KLHL32: variants seen among roughly 807,000 people sequenced by gnomAD.
KLHL32 encodes the protein kelch-like protein 32.
Under a neutral mutation model 64.8 loss-of-function variants are expected in KLHL32, and 35 were observed. The ratio of observed to expected loss-of-function variants is 0.54; its 90% CI spans 0.41 to 0.72. The LOEUF (loss-of-function observed/expected upper bound fraction) is 0.72, where lower values mean the gene tolerates loss of function less well. KLHL32 is among the 30% of genes least tolerant of loss of function. The pLI, the probability that KLHL32 is intolerant of heterozygous loss-of-function variation, is 0.00. For missense variants in KLHL32, 589 were observed against 768.5 expected (o/e 0.77, Z 2.76); for synonymous variants, 259 against 281.0 (o/e 0.92, Z 0.78).
chr6:97,106,683 G>A (rs771012882), intron 6 of KLHL32, among the ~76,000 whole-genome samples: 5 of 151,700 alleles, frequency 3.3e-5, no homozygotes, highest in African/African-American at 4.9e-5. Flanking sequence ...GGCAGAAGTC[G>A]TAGTGAGCTG....
chr6:96,931,418 G>T (rs777870850), intron 1 of KLHL32, among the ~76,000 whole-genome samples: 1 of 152,150 alleles, frequency 6.6e-6, no homozygotes, highest in East Asian at 1.9e-4. Flanking sequence ...TACCACATAG[G>T]AAGTTAGCCT....
chr6:96,992,427 T>C (rs1007168899), intron 3 of KLHL32, among the ~76,000 whole-genome samples: 3 of 152,242 alleles, frequency 2.0e-5, no homozygotes, highest in African/African-American at 7.2e-5. Flanking sequence ...ACTTGGATAA[T>C]CCAGTTGAAG....
intron 3 of KLHL32, among the ~76,000 whole-genome samples, chr6:96,980,235 T>C (rs1196337624): frequency 6.6e-6 from 1 of 152,154 alleles, no homozygotes; most frequent in Non-Finnish European, 1.5e-5. Context: ...ATTCTTGTCA[T>C]GTTCTAGTTC....
intron 5 of KLHL32, among the ~76,000 whole-genome samples, chr6:97,065,073 G>A (rs1789521557): frequency 6.6e-6 from 1 of 152,134 alleles, no homozygotes; most frequent in African/African-American, 2.4e-5. Flanking sequence ...GTCTGGTTAT[G>A]GAAATAATCA....
Position 96,976,068 on chromosome 6 carries a change from T to A in KLHL32, c.95T>A (p.Leu32Gln). The A allele has an allele frequency of 6.2e-7, 1 of 1,609,086 alleles. No individual in the cohort carries two copies. The highest frequency in any genetic ancestry group is 8.5e-7 in the Non-Finnish European group (1 of 1,176,674). ...ESHNDSVLAA[L>Q]NQQRSDGILC... is the part of the protein sequence containing the mutation. ...CACAATGACAGTGTCCTGGCAGCGC[T>A]GAATCAGCAGAGGAGTGATGGCATC... is the stretch of plus-strand genomic sequence containing the variant. The change falls in exon 3 of 11, where the codon CTG becomes CAG. Residue 32 changes from leucine (L) to glutamine (Q), a missense_variant. Physicochemically the swap from Leu to Gln is moderately radical, Grantham distance 113. This residue lies in a region of KLHL32 where 191 missense variants were observed against 223.3 expected (regional missense o/e 0.86). Coordinates refer to ENST00000369261, the MANE Select transcript of KLHL32 (RefSeq NM_052904.4).
At chr6:97,061,027 T>C (rs1788799303) in intron 4 of KLHL32, among the ~76,000 whole-genome samples, 1 of 152,132 alleles carries the variant, frequency 6.6e-6, no homozygotes, top group Non-Finnish European at 1.5e-5. Flanking sequence ...ATCATCTCAT[T>C]ACTTGGTGAG....
chr6:96,994,052 T>G (rs1428504997), intron 3 of KLHL32, among the ~76,000 whole-genome samples: 2 of 152,228 alleles, frequency 1.3e-5, no homozygotes, highest in Non-Finnish European at 2.9e-5. Context: ...CTACTCTGTC[T>G]TCCAAGGCTG....
At chr6:96,934,938 A>G (rs1770399546) in intron 1 of KLHL32, among the ~76,000 whole-genome samples, 1 of 152,194 alleles carries the variant, frequency 6.6e-6, no homozygotes, top group South Asian at 2.1e-4. Flanking sequence ...TACAGTTTCA[A>G]ATTGTAGCTT....
At chr6:96,951,304 C>G (rs1034889127) in intron 1 of KLHL32, among the ~76,000 whole-genome samples, 8 of 152,002 alleles carry the variant, frequency 5.3e-5, no homozygotes, top group African/African-American at 1.9e-4. Context: ...CACCTTGTTC[C>G]TGGAGTATTA....
chr6:96,990,954 G>A (rs1777791365), intron 3 of KLHL32, among the ~76,000 whole-genome samples: 5 of 151,880 alleles, frequency 3.3e-5, no homozygotes, highest in Non-Finnish European at 1.5e-5. Context: ...TTTCGGTTTT[G>A]TCTAGGAGCT....
At chr6:96,994,626 C>T in intron 3 of KLHL32, 3 of 985,280 alleles carry the variant, frequency 3.0e-6, no homozygotes, top group Non-Finnish European at 3.6e-6. Flanking sequence ...TTAATATCAG[C>T]TTTTCTTGTT....
chr6:96,913,890 T>C, the KLHL32 span, among the ~76,000 whole-genome samples: 1 of 152,152 alleles, frequency 6.6e-6, no homozygotes, highest in African/African-American at 2.4e-5. Flanking sequence ...ATAGATTATA[T>C]TACCTGACAA....
At chr6:96,942,550 G>T (rs1275921787) in intron 1 of KLHL32, among the ~76,000 whole-genome samples, 2 of 152,026 alleles carry the variant, frequency 1.3e-5, no homozygotes, top group Admixed American at 6.6e-5. Context: ...AATGATAGAA[G>T]CTATGTCTTG....
intron 10 of KLHL32, 32 bp from the exon 11 acceptor site, chr6:97,139,089 A>T: frequency 1.3e-6 from 2 of 1,587,468 alleles, no homozygotes; most frequent in Non-Finnish European, 1.7e-6. Flanking sequence ...GTCATCTTTG[A>T]TACACAAGCT....
chr6:97,051,650 G>A (rs900660852), intron 4 of KLHL32, among the ~76,000 whole-genome samples: 1 of 152,154 alleles, frequency 6.6e-6, no homozygotes, highest in Non-Finnish European at 1.5e-5. Context: ...TTGATCATGT[G>A]AATTTCTGAG....
intron 1 of KLHL32, among the ~76,000 whole-genome samples, chr6:96,940,283 G>A (rs1424139068): frequency 6.6e-6 from 1 of 152,108 alleles, no homozygotes; most frequent in South Asian, 2.1e-4. Flanking sequence ...ATTGCCTAGG[G>A]ATAGAATAGA....
chr6:96,921,380 C>T (rs1349603196), upstream of KLHL32, among the ~76,000 whole-genome samples: 1 of 152,182 alleles, frequency 6.6e-6, no homozygotes, highest in African/African-American at 2.4e-5. Flanking sequence ...TTTTGAGTTA[C>T]ACTGGCGCTG....
In KLHL32 at chr6:96,966,988, T is replaced by G; in HGVS notation, c.-65-8T>G. 3 of 1,403,674 alleles carry G rather than the reference T, an allele frequency of 2.1e-6. No individual in the cohort carries two copies. Among genetic ancestry groups the G allele is most frequent in the Non-Finnish European group, 3.0e-6 (3 of 992,144 alleles). The allele number at this position is 1,403,674 out of a possible 1,614,324, so 87.0% of individuals were successfully genotyped here. ...CAATGCACCCTTTTCTCTTGTCTTT[T>G]TATTCAGCTGGAATGCTTGCTGATT... On this transcript the variant is annotated splice_region_variant and splice_polypyrimidine_tract_variant and intron_variant, in intron 1 of 10. Transcript: ENST00000369261.
chr6:96,939,304 G>A (rs542532642), intron 1 of KLHL32, among the ~76,000 whole-genome samples: 64 of 152,308 alleles, frequency 4.2e-4, no homozygotes, highest in Middle Eastern at 3.4e-3. Context: ...ACAGTTACTG[G>A]GCATCTGTCA....
Sources: allele counts gnomAD v4.1 joint callset (sites outside exome capture counted in the v4.1 genomes callset), GRCh38; gene constraint gnomAD v4.1.1; regional missense constraint gnomAD v4.1.1; transcripts MANE v1.5; gene names NCBI Gene and HGNC (gene_info 2026-07-23, HGNC 2026-07-21).